The following CSNK2A1 variants were observed in gnomAD, a reference collection of about 807,000 sequenced individuals.
CSNK2A1 encodes the protein casein kinase 2 alpha 1.
A neutral mutation model predicts 62.9 loss-of-function variants in CSNK2A1; 10 were observed. The observed-to-expected ratio is 0.16, with a 90% CI of 0.10 to 0.27. The LOEUF is 0.27. Ranked by LOEUF, CSNK2A1 falls within the 10% of genes least tolerant of loss-of-function variation. The pLI is 1.00. For missense variants in CSNK2A1, 160 were observed against 492.0 expected (o/e 0.33, Z 6.38); for synonymous variants, 124 against 167.8 (o/e 0.74, Z 2.02).
intron 1 of CSNK2A1, among the ~76,000 whole-genome samples, chr20:542,854 G>C (rs1433582672): frequency 6.6e-6 from 1 of 152,258 alleles, no homozygotes; most frequent in Middle Eastern, 3.4e-3. Flanking sequence ...TCCACACAAA[G>C]CAATAGCCAA....
chr20:492,425 T>C, intron 8 of CSNK2A1, 61 bp from the exon 9 acceptor site: 3 of 1,521,068 alleles, frequency 2.0e-6, no homozygotes, highest in South Asian at 1.1e-5. Flanking sequence ...ACTGTGCCAT[T>C]AGCATACTCT....
chr20:505,536 T>A (rs2018560854), intron 3 of CSNK2A1, among the ~76,000 whole-genome samples: 1 of 151,642 alleles, frequency 6.6e-6, no homozygotes, highest in African/African-American at 2.4e-5. Context: ...ATTTTTTGAA[T>A]TTTTAGTAGA....
chr20:484,501 C>T (rs2018023535), intron 13 of CSNK2A1, among the ~76,000 whole-genome samples: 1 of 152,176 alleles, frequency 6.6e-6, no homozygotes, highest in African/African-American at 2.4e-5. Flanking sequence ...CCTCACGTGG[C>T]TAGTCACTAC....
At chr20:505,409 G>C (rs1225141799) in intron 3 of CSNK2A1, among the ~76,000 whole-genome samples, 180 bp from the exon 4 acceptor site, 2 of 126,934 alleles carry the variant, frequency 1.6e-5, no homozygotes, top group South Asian at 2.5e-4. Context: ...GCCCAGGCTA[G>C]AGTGCAGTGG....
At chr20:484,635 T>C (rs2018026307) in intron 13 of CSNK2A1, among the ~76,000 whole-genome samples, 1 of 152,138 alleles carries the variant, frequency 6.6e-6, no homozygotes, top group Non-Finnish European at 1.5e-5. Context: ...TTTTCTAAGA[T>C]AAAATTGTGT....
At chr20:515,535 T>C (rs565852831) in intron 2 of CSNK2A1, among the ~76,000 whole-genome samples, 1 of 152,178 alleles carries the variant, frequency 6.6e-6, no homozygotes, top group East Asian at 1.9e-4. Flanking sequence ...TCCAATACAG[T>C]TACAGCTGGG....
chr20:528,487 G>GTGAC (rs1352648653), intron 1 of CSNK2A1, among the ~76,000 whole-genome samples: 1 of 152,130 alleles, frequency 6.6e-6, no homozygotes, highest in Non-Finnish European at 1.5e-5. Context: ...CCCAGGGTGG[G>GTGAC]TGACTGCAGC....
chr20:531,837 C>G (rs1322356178), intron 1 of CSNK2A1, among the ~76,000 whole-genome samples: 1 of 152,166 alleles, frequency 6.6e-6, no homozygotes, highest in African/African-American at 2.4e-5. Flanking sequence ...AGAAAAGATA[C>G]AGTAGCATTC....
chr20:497,146 TATTA>T (rs954236039), intron 7 of CSNK2A1, among the ~76,000 whole-genome samples: 3 of 152,140 alleles, frequency 2.0e-5, no homozygotes, highest in Admixed American at 2.0e-4. Context: ...ATACTATTAT[TATTA>T]ATTTTTATTT....
At chr20:494,864 A>T (rs1198902529) in intron 8 of CSNK2A1, 1 of 152,212 alleles carries the variant, frequency 6.6e-6, no homozygotes, top group East Asian at 1.9e-4. Flanking sequence ...GCCTTGGGAC[A>T]TGTTTCTTCA....
intron 2 of CSNK2A1, among the ~76,000 whole-genome samples, chr20:511,055 T>C (rs2018708972): frequency 6.6e-6 from 1 of 152,068 alleles, no homozygotes; most frequent in South Asian, 2.1e-4. Context: ...TGGTAAAATA[T>C]ACATAACATA....
chr20:495,238 T>C (rs1207820079), intron 8 of CSNK2A1: 1 of 155,304 alleles, frequency 6.4e-6, no homozygotes, highest in Non-Finnish European at 1.4e-5. Flanking sequence ...CATGTGGCCA[T>C]TACAGCTCTC....
intron 1 of CSNK2A1, among the ~76,000 whole-genome samples, chr20:532,355 T>G (rs1242858017): frequency 2.0e-5 from 3 of 148,610 alleles, no homozygotes; most frequent in Non-Finnish European, 4.5e-5. Context: ...TTTTTTTGTA[T>G]TTTAGTAGAG....
intron 9 of CSNK2A1, 60 bp downstream of exon 9, chr20:492,194 T>G: frequency 7.0e-7 from 1 of 1,427,900 alleles, no homozygotes; most frequent in Non-Finnish European, 9.7e-7. Context: ...TTTTTTTTTT[T>G]GGTAAATTAT....
intron 2 of CSNK2A1, among the ~76,000 whole-genome samples, chr20:518,228 T>C (rs2018867372): frequency 6.6e-6 from 1 of 152,198 alleles, no homozygotes; most frequent in Non-Finnish European, 1.5e-5. Context: ...CTGGAAAGCC[T>C]TTGTTGATCC....
At chr20:517,614 A>C (rs554939615) in intron 2 of CSNK2A1, among the ~76,000 whole-genome samples, 4 of 152,356 alleles carry the variant, frequency 2.6e-5, no homozygotes, top group African/African-American at 9.6e-5. Flanking sequence ...AGAAAAAAAA[A>C]ACTGCACTTA....
rs938973512 is a variant in CSNK2A1, at chr20:499,740, G to C, written c.315+93C>G. 2 of 1,154,348 alleles carry C rather than the reference G, an allele frequency of 1.7e-6. No homozygotes were observed. Among genetic ancestry groups the C allele is most frequent in the African/African-American group, 1.5e-5 (1 of 65,494 alleles). 71.5% of individuals were successfully genotyped at this position (1,154,348 alleles called of 1,614,324 possible). ...CTTTCAAAGCAGGACTTAATGATGA[G>C]GGTTGGGGGAGGGAACAAAAAGAGG... On this transcript the variant is annotated intron_variant, in intron 5 of 13. Coordinates refer to ENST00000217244, the MANE Select transcript of CSNK2A1 (RefSeq NM_177559.3). The surrounding 1 kb of genome is among the most constrained non-coding windows in gnomAD (Gnocchi z 4.2).
At chr20:533,074 T>C (rs905516695) in intron 1 of CSNK2A1, among the ~76,000 whole-genome samples, 2 of 152,192 alleles carry the variant, frequency 1.3e-5, no homozygotes, top group African/African-American at 2.4e-5. Flanking sequence ...ACTAATGCCA[T>C]ATAAGTAGTA....
chr20:496,966 GTGTTT>G (rs1472006656), intron 7 of CSNK2A1, among the ~76,000 whole-genome samples: 7 of 152,112 alleles, frequency 4.6e-5, no homozygotes, highest in African/African-American at 1.7e-4. Context: ...AGCACGTCAG[GTGTTT>G]TCACGAGTTT....
Sources: allele counts gnomAD v4.1 joint callset (sites outside exome capture counted in the v4.1 genomes callset), GRCh38; gene constraint gnomAD v4.1.1; non-coding constraint Gnocchi (gnomAD v3.1); transcripts MANE v1.5; gene names NCBI Gene and HGNC (gene_info 2026-07-23, HGNC 2026-07-21).